MAD2L1: variants seen among roughly 807,000 people sequenced by gnomAD.
MAD2L1 encodes mitotic arrest deficient 2 like 1, also known as mitotic spindle assembly checkpoint protein MAD2A.
A neutral mutation model predicts 25.9 loss-of-function variants in MAD2L1; 10 were observed. The ratio of observed to expected loss-of-function variants is 0.39; its 90% CI spans 0.24 to 0.66. The LOEUF is 0.66. MAD2L1 is among the 30% of genes least tolerant of loss of function. The probability of loss-of-function intolerance (pLI) is 0.49; values close to 1 mark genes in which losing one functional copy is unlikely to be tolerated. For synonymous variants in MAD2L1, 81 were observed against 91.8 expected, an observed-to-expected ratio of 0.88 and a Z score of 0.67; for missense variants, 180 against 246.4, an observed-to-expected ratio of 0.73 and a Z score of 1.80.
At position 120,065,691 on chromosome 4, in the gene MAD2L1, A is replaced by G; in HGVS notation, c.201T>C (p.Asn67=). 3 of 1,613,642 alleles carry G rather than the reference A, an allele frequency of 1.9e-6. No individual in the cohort carries two copies. The highest frequency in any genetic ancestry group is 2.5e-6 in the Non-Finnish European group (3 of 1,179,876). ...TDLELIKYLN[N]VVEQLKDWLY... Reference sequence around the variant, plus strand: ...AAATACCTTTCAGTTGTTCCACCACATTATTTAGGTATTTTATGAGCTCAA... The same window carrying G: ...AAATACCTTTCAGTTGTTCCACCACGTTATTTAGGTATTTTATGAGCTCAA... Residue 67 remains asparagine, a synonymous_variant, in exon 2 of 5, where the codon AAT becomes AAC. Coordinates refer to ENST00000296509, the MANE Select transcript of MAD2L1 (RefSeq NM_002358.4).
At position 120,059,798 on chromosome 4, in the gene MAD2L1, AG is replaced by A. The variant is rs1165114629; in HGVS notation, c.*319del. 1 of 181,604 alleles carries A rather than the reference AG, an allele frequency of 5.5e-6. No individual in the cohort carries two copies. Among genetic ancestry groups the A allele is most frequent in the African/African-American group, 2.3e-5 (1 of 42,698 alleles). 11.2% of individuals were successfully genotyped at this position (181,604 alleles called of 1,614,324 possible). A position where few individuals can be genotyped will look rare whatever the true frequency, so the allele number is the denominator to read the frequency against. ...ACTACTTGACCAAAACATCTGATTT[AG>A]GAAAGCATCTAGCTTTATAGCACAA... On this transcript the variant is annotated 3_prime_UTR_variant, in exon 5 of 5. Transcript: ENST00000296509.
At chr4:120,060,349 C>CT in intron 4 of MAD2L1, 59 bp from the exon 5 acceptor site, 1 of 1,365,708 alleles carries the variant, frequency 7.3e-7, no homozygotes, top group African/African-American at 1.4e-5. Context: ...ACTAATCTTG[C>CT]TGCCTCTCTT....
chr4:120,061,829 T>C, intron 3 of MAD2L1, 146 bp downstream of exon 3: 1 of 592,920 alleles, frequency 1.7e-6, no homozygotes, highest in Non-Finnish European at 2.8e-6. Flanking sequence ...TTTCCATAGG[T>C]GACTGAGGAT....
At chr4:120,066,216 T>A (rs897319697) in intron 1 of MAD2L1, among the ~76,000 whole-genome samples, 4 of 152,008 alleles carry the variant, frequency 2.6e-5, no homozygotes, top group Non-Finnish European at 5.9e-5. Flanking sequence ...CCCTCCCAAA[T>A]CCTGCCAGGT....
rs566500475 is a variant in MAD2L1, at chr4:120,056,604, TAA to T, written c.*3512_*3513del. On this transcript the variant is annotated 3_prime_UTR_variant, in exon 5 of 5. Coordinates refer to ENST00000296509, the MANE Select transcript of MAD2L1 (RefSeq NM_002358.4). ...GCTAATAATCTTTGAATCTATATGC[TAA>T]AATATATAGGAAGTCAGTATAATTA... 1 of 152,302 alleles carries T rather than the reference TAA, an allele frequency of 6.6e-6. No individual in the cohort carries two copies. The highest frequency in any genetic ancestry group is 2.1e-4 in the South Asian group (1 of 4,834). 9.4% of individuals were successfully genotyped at this position (152,302 alleles called of 1,614,324 possible).
At chr4:120,062,841 A>G (rs901512778) in intron 2 of MAD2L1, among the ~76,000 whole-genome samples, 1 of 152,236 alleles carries the variant, frequency 6.6e-6, no homozygotes, top group African/African-American at 2.4e-5. Flanking sequence ...GAGGGGATCT[A>G]GAGACACTAG....
At chr4:120,062,232 T>C in intron 2 of MAD2L1, 137 bp from the exon 3 acceptor site, 1 of 689,686 alleles carries the variant, frequency 1.4e-6, no homozygotes, top group Non-Finnish European at 2.4e-6. Flanking sequence ...CAAGAAAATT[T>C]GCACCATCAA....
At chr4:120,066,574 C>A in intron 1 of MAD2L1, 88 bp downstream of exon 1, 1 of 1,230,156 alleles carries the variant, frequency 8.1e-7, no homozygotes, top group Non-Finnish European at 1.2e-6. Context: ...CCCCAGATTA[C>A]TTCTCTGGTA....
chr4:120,056,457 A>G lies in MAD2L1; in HGVS notation c.*3661T>C, dbSNP rs979265397. On this transcript the variant is annotated 3_prime_UTR_variant, in exon 5 of 5. Transcript: ENST00000296509. ...GCATTAGTGACATCTGGTGGAAAAT[A>G]TAAGAGTTACAAAGTAGCATTACAT... 1.3e-5 allele frequency: 2 copies of G among 152,220 alleles called. No homozygotes were observed. The highest frequency in any genetic ancestry group is 2.4e-5 in the African/African-American group (1 of 41,462). The allele number at this position is 152,220 out of a possible 1,614,324, so 9.4% of individuals were successfully genotyped here. A position where few individuals can be genotyped will look rare whatever the true frequency, so the allele number is the denominator to read the frequency against.
Position 120,060,960 on chromosome 4 carries a change from G to A in MAD2L1, c.359C>T (p.Ser120Phe), listed in dbSNP as rs150812263. 170 of 1,607,598 alleles carry A rather than the reference G, an allele frequency of 1.1e-4. No homozygotes were observed. In the African/African-American group the frequency reaches 2.0e-3, roughly 19 times the overall value. ...AKDDSAPREK[S>F]QKAIQDEIRS... ...GATTTCATCCTGGATAGCTTTCTGA[G>A]ACTTTTCTCTGGGTGCACTGTCAAA... The change falls in exon 4 of 5, where the codon TCT (serine) becomes TTT (phenylalanine). Residue 120 changes from serine (S) to phenylalanine (F), a missense_variant. Transcript: ENST00000296509.
At position 120,059,692 on chromosome 4, in the gene MAD2L1, G is replaced by A. The variant is rs1726177674; in HGVS notation, c.*426C>T. Reference sequence around the variant, plus strand: ...TTTATAGATTATGAGTTACTTTCAGGACCTTAACAAAGATTCTGAATATTT... The same window carrying A: ...TTTATAGATTATGAGTTACTTTCAGAACCTTAACAAAGATTCTGAATATTT... On this transcript the variant is annotated 3_prime_UTR_variant, in exon 5 of 5. Transcript: ENST00000296509. The A allele has an allele frequency of 1.3e-5, 2 of 153,224 alleles. No individual in the cohort carries two copies. The highest frequency in any genetic ancestry group is 1.5e-5 in the Non-Finnish European group (1 of 68,758). 9.5% of individuals were successfully genotyped at this position (153,224 alleles called of 1,614,324 possible).
At chr4:120,062,157 C>A in intron 2 of MAD2L1, 62 bp from the exon 3 acceptor site, 1 of 1,515,394 alleles carries the variant, frequency 6.6e-7, no homozygotes, top group Non-Finnish European at 9.0e-7. Context: ...TAGCTCTCTT[C>A]TCGGGTCCCA....
chr4:120,060,822 T>G, intron 4 of MAD2L1, 52 bp downstream of exon 4: 1 of 1,140,366 alleles, frequency 8.8e-7, no homozygotes, highest in Non-Finnish European at 1.3e-6. Flanking sequence ...CGGCAGTAGC[T>G]TAGTCTTTTT....
chr4:120,065,515 G>A (rs1726299831), intron 2 of MAD2L1, 157 bp downstream of exon 2: 1 of 596,626 alleles, frequency 1.7e-6, no homozygotes, highest in African/African-American at 1.9e-5. Context: ...GTGGGTGGGG[G>A]AAGAGTGTAT....
At position 120,059,819 on chromosome 4, in the gene MAD2L1, G is replaced by C. The variant is rs2110507761; in HGVS notation, c.*299C>G. 1 of 203,462 alleles carries C rather than the reference G, an allele frequency of 4.9e-6. No individual in the cohort carries two copies. The highest frequency in any genetic ancestry group is 1.1e-4 in the East Asian group (1 of 9,028). 12.6% of individuals were successfully genotyped at this position (203,462 alleles called of 1,614,324 possible). ...ATTTAGGAAAGCATCTAGCTTTATA[G>C]CACAAGTTTTTCCATCTACAGTTAC... On this transcript the variant is annotated 3_prime_UTR_variant, in exon 5 of 5. Transcript: ENST00000296509.
Position 120,065,540 on chromosome 4 carries a change from A to G in MAD2L1, c.220+132T>C, listed in dbSNP as rs146337973. ...GAAGAGTGTATTTCTTCCATTTTATATATTATTTTCTTCCTCTCAATTGAA... is the reference window on the plus strand; with the variant it reads ...GAAGAGTGTATTTCTTCCATTTTATGTATTATTTTCTTCCTCTCAATTGAA... On this transcript the variant is annotated intron_variant, in intron 2 of 4. Coordinates refer to ENST00000296509, the MANE Select transcript of MAD2L1 (RefSeq NM_002358.4). The G allele has an allele frequency of 1.0e-3, 712 of 715,524 alleles. 2 individuals carry two copies. Among genetic ancestry groups the G allele is most frequent in the African/African-American group, 7.6e-3 (424 of 55,940 alleles). The allele number at this position is 715,524 out of a possible 1,614,324, so 44.3% of individuals were successfully genotyped here. A position where few individuals can be genotyped will look rare whatever the true frequency, so the allele number is the denominator to read the frequency against.
In MAD2L1 at chr4:120,056,305, A is replaced by G. The variant is rs1726109806; in HGVS notation, c.*3813T>C. 1 of 152,216 alleles carries G rather than the reference A, an allele frequency of 6.6e-6. No individual in the cohort carries two copies. The highest frequency in any genetic ancestry group is 6.5e-5 in the Admixed American group (1 of 15,282). 9.4% of individuals were successfully genotyped at this position (152,216 alleles called of 1,614,324 possible). A position where few individuals can be genotyped will look rare whatever the true frequency, so the allele number is the denominator to read the frequency against. ...AAGTGACTAGTAAATAATAAATGCT[A>G]AGTGTTTATTCCCCTAATGTATTTA... is the stretch of plus-strand genomic sequence containing the variant. On this transcript the variant is annotated 3_prime_UTR_variant, in exon 5 of 5. Coordinates refer to ENST00000296509, the MANE Select transcript of MAD2L1 (RefSeq NM_002358.4).
Position 120,066,783 on chromosome 4 carries a change from C to T in MAD2L1, c.-49G>A, listed in dbSNP as rs1456439128. The T allele has an allele frequency of 2.8e-6, 4 of 1,404,958 alleles. No homozygotes were observed. The highest frequency in any genetic ancestry group is 4.0e-6 in the Non-Finnish European group (4 of 998,344). The allele number at this position is 1,404,958 out of a possible 1,614,324, so 87.0% of individuals were successfully genotyped here. ...CGCGCTTCCACTCCGCGGACAGCAACCACAGCGGCTCCAACAGCACTTCCC... is the reference window on the plus strand; with the variant it reads ...CGCGCTTCCACTCCGCGGACAGCAATCACAGCGGCTCCAACAGCACTTCCC... On this transcript the variant is annotated 5_prime_UTR_variant, in exon 1 of 5. Transcript: ENST00000296509.
At chr4:120,066,586 C>T in intron 1 of MAD2L1, 76 bp downstream of exon 1, 1 of 1,346,948 alleles carries the variant, frequency 7.4e-7, no homozygotes, top group Non-Finnish European at 1.0e-6. Flanking sequence ...TCTCTGGTAT[C>T]AGAGGCCGAG....
Sources: gnomAD v4.1 joint callset for allele counts (sites outside exome capture counted in the v4.1 genomes callset) on GRCh38, gnomAD v4.1.1 for gene constraint, MANE v1.5 for transcripts, NCBI Gene and HGNC (gene_info 2026-07-23, HGNC 2026-07-21) for gene names.